AGBL4: variants seen among roughly 807,000 people sequenced by gnomAD.
AGBL4 encodes cytosolic carboxypeptidase 6.
In AGBL4, 58 loss-of-function variants were observed where a neutral mutation model predicts 66.4. That is an observed-to-expected ratio of 0.87 (90% CI 0.71 to 1.09). AGBL4 has a LOEUF of 1.09. Ranked by LOEUF, AGBL4 falls within the 50% of genes least tolerant of loss-of-function variation. The probability of loss-of-function intolerance (pLI) is 0.00; values close to 1 mark genes in which losing one functional copy is unlikely to be tolerated. For synonymous variants in AGBL4, 234 were observed against 222.9 expected, an observed-to-expected ratio of 1.05 and a Z score of -0.44; for missense variants, 579 against 631.0, an observed-to-expected ratio of 0.92 and a Z score of 0.88.
At chr1:49,909,725 T>A (rs1285971099) in intron 1 of AGBL4, among the ~76,000 whole-genome samples, 1 of 152,164 alleles carries the variant, frequency 6.6e-6, no homozygotes, top group Non-Finnish European at 1.5e-5. Context: ...CCTGAAAAAC[T>A]AACTGTAGGG....
chr1:49,817,810 A>G (rs570695057), intron 2 of AGBL4, among the ~76,000 whole-genome samples: 1 of 152,326 alleles, frequency 6.6e-6, no homozygotes, highest in East Asian at 1.9e-4. Context: ...TTAGAGTAGT[A>G]ACATCAATTT....
intron 4 of AGBL4, among the ~76,000 whole-genome samples, chr1:49,187,977 G>A (rs962564411): frequency 7.2e-5 from 11 of 152,054 alleles, no homozygotes; most frequent in African/African-American, 2.4e-4. Context: ...TGAGTCTCAC[G>A]AGCTATGATG....
intron 3 of AGBL4, among the ~76,000 whole-genome samples, chr1:49,568,454 G>C (rs997182389): frequency 1.4e-5 from 2 of 145,150 alleles, no homozygotes; most frequent in Non-Finnish European, 3.0e-5. Context: ...TCCCCAATGA[G>C]AACTACAAAA....
intron 3 of AGBL4, among the ~76,000 whole-genome samples, chr1:49,347,600 C>A (rs1645659559): frequency 6.6e-6 from 1 of 152,030 alleles, no homozygotes; most frequent in African/African-American, 2.4e-5. Flanking sequence ...AGGCTCACGC[C>A]TGTAATCCCA....
At chr1:49,285,359 G>T (rs575394751) in intron 3 of AGBL4, among the ~76,000 whole-genome samples, 1 of 152,012 alleles carries the variant, frequency 6.6e-6, no homozygotes, top group East Asian at 1.9e-4. Flanking sequence ...TCTGTGGGAC[G>T]CATTCAGAGG....
chr1:49,851,276 C>G, intron 2 of AGBL4, 120 bp downstream of exon 2: 1 of 1,144,234 alleles, frequency 8.7e-7, no homozygotes, highest in South Asian at 3.4e-5. Context: ...TAAAACTTGT[C>G]CCATTATTGT....
chr1:49,342,905 A>G (rs1267946338), intron 3 of AGBL4, among the ~76,000 whole-genome samples: 1 of 152,214 alleles, frequency 6.6e-6, no homozygotes, highest in Non-Finnish European at 1.5e-5. Context: ...GTTAAGGCTT[A>G]TTGGTTTCAC....
chr1:49,486,322 T>C (rs1647066061), intron 3 of AGBL4, among the ~76,000 whole-genome samples: 1 of 151,984 alleles, frequency 6.6e-6, no homozygotes, highest in African/African-American at 2.4e-5. Flanking sequence ...ATAATAACCA[T>C]CAACAACTTA....
chr1:49,729,560 C>A (rs1273119567), intron 2 of AGBL4, among the ~76,000 whole-genome samples: 1 of 152,050 alleles, frequency 6.6e-6, no homozygotes, highest in African/African-American at 2.4e-5. Context: ...CCCCCAAAAT[C>A]CTCAATTATT....
chr1:49,852,769 G>A (rs894215778), intron 1 of AGBL4, among the ~76,000 whole-genome samples: 5 of 151,918 alleles, frequency 3.3e-5, no homozygotes, highest in Non-Finnish European at 5.9e-5. Context: ...TTTGTGTAGG[G>A]GCTTGTGTCA....
Position 49,163,581 on chromosome 1 carries a change from T to A in AGBL4, c.377+82189A>T, listed in dbSNP as rs147632657. 1.1e-3 allele frequency among the ~76,000 whole-genome samples: 165 copies of A among 152,350 alleles called. 1 individual carries two copies. Among genetic ancestry groups the A allele is most frequent in the African/African-American group, 3.5e-3 (144 of 41,584 alleles). On this transcript the variant is annotated intron_variant, in intron 4 of 13. Coordinates refer to ENST00000371839, the MANE Select transcript of AGBL4 (RefSeq NM_032785.4). ...CAATGCAAAAGGCTCCCCAGTTTTGTTCAAATTTTAAAGGCTGCAGCAACA... is the reference window on the plus strand; with the variant it reads ...CAATGCAAAAGGCTCCCCAGTTTTGATCAAATTTTAAAGGCTGCAGCAACA...
intron 3 of AGBL4, among the ~76,000 whole-genome samples, chr1:49,595,579 G>C (rs1228000351): frequency 6.6e-6 from 1 of 151,708 alleles, no homozygotes; most frequent in African/African-American, 2.4e-5. Context: ...GAGAGTCATT[G>C]AGATTTGCAG....
chr1:49,574,104 G>T (rs771515158), intron 3 of AGBL4, among the ~76,000 whole-genome samples: 21 of 152,194 alleles, frequency 1.4e-4, no homozygotes, highest in Non-Finnish European at 8.8e-5. Context: ...TAAAGTCTCA[G>T]TGGGCCCCTA....
chr1:49,495,723 T>A (rs1056258150), intron 3 of AGBL4, among the ~76,000 whole-genome samples: 1 of 151,954 alleles, frequency 6.6e-6, no homozygotes, highest in Non-Finnish European at 1.5e-5. Context: ...TATCTTCACA[T>A]TGATTTAAAA....
At chr1:49,222,974 A>G (rs970480259) in intron 4 of AGBL4, among the ~76,000 whole-genome samples, 1 of 152,158 alleles carries the variant, frequency 6.6e-6, no homozygotes, top group African/African-American at 2.4e-5. Flanking sequence ...AAAAAAGCTC[A>G]CCTGTCAGAG....
At chr1:49,352,990 G>A (rs2148522872) in intron 3 of AGBL4, among the ~76,000 whole-genome samples, 1 of 152,226 alleles carries the variant, frequency 6.6e-6, no homozygotes, top group Non-Finnish European at 1.5e-5. Flanking sequence ...CCTTCATCTA[G>A]GTGACTGTGT....
At chr1:48,806,191 T>C (rs913444407) in intron 6 of AGBL4, among the ~76,000 whole-genome samples, 1 of 152,216 alleles carries the variant, frequency 6.6e-6, no homozygotes, top group Non-Finnish European at 1.5e-5. Flanking sequence ...CATGCCTTTC[T>C]TCATAACCTT....
chr1:49,265,864 C>CATGT (rs1296342980), intron 3 of AGBL4, among the ~76,000 whole-genome samples: 1 of 151,812 alleles, frequency 6.6e-6, no homozygotes, highest in East Asian at 1.9e-4. Context: ...CATATATGTG[C>CATGT]ATGTATGTAT....
intron 3 of AGBL4, among the ~76,000 whole-genome samples, chr1:49,419,080 T>C (rs1225022165): frequency 6.6e-6 from 1 of 152,170 alleles, no homozygotes; most frequent in Non-Finnish European, 1.5e-5. Flanking sequence ...GCAAAATCAA[T>C]AGATCTTTGT....
Sources: gnomAD v4.1 joint callset for allele counts (sites outside exome capture counted in the v4.1 genomes callset) on GRCh38, gnomAD v4.1.1 for gene constraint, MANE v1.5 for transcripts, NCBI Gene and HGNC (gene_info 2026-07-23, HGNC 2026-07-21) for gene names.